Variants in CYTH3 observed in about 807,000 individuals in gnomAD.
CYTH3 encodes the protein cytohesin-3.
A neutral mutation model predicts 55.1 loss-of-function variants in CYTH3; 23 were observed. The observed-to-expected ratio is 0.42, with a 90% confidence interval of 0.30 to 0.59. The LOEUF is 0.59. Among genes scored for constraint, CYTH3 ranks in the 20% least tolerant of loss-of-function variants. CYTH3 has a pLI of 0.20. For synonymous variants in CYTH3, 249 were observed against 194.9 expected (o/e 1.28, Z -2.31); for missense variants, 413 against 524.8 (o/e 0.79, Z 2.08).
intron 1 of CYTH3, among the ~76,000 whole-genome samples, chr7:6,241,019 G>C (rs1169418584): frequency 2.6e-5 from 4 of 152,018 alleles, no homozygotes; most frequent in African/African-American, 9.7e-5. Flanking sequence ...TGACTCAGGA[G>C]GCTGAGGCTG....
At chr7:6,213,541 T>G (rs541729837) in intron 1 of CYTH3, among the ~76,000 whole-genome samples, 1 of 152,074 alleles carries the variant, frequency 6.6e-6, no homozygotes. Context: ...GTTTTTTGTT[T>G]GTTTGTTTGT....
At chr7:6,242,438 A>C in intron 1 of CYTH3, among the ~76,000 whole-genome samples, 1 of 143,720 alleles carries the variant, frequency 7.0e-6, no homozygotes, top group African/African-American at 2.6e-5. Context: ...GTGCAGTGGC[A>C]CGATCTTGGC....
intron 1 of CYTH3, among the ~76,000 whole-genome samples, chr7:6,226,545 G>A (rs943726004): frequency 6.6e-6 from 1 of 152,200 alleles, no homozygotes; most frequent in Non-Finnish European, 1.5e-5. Flanking sequence ...AGTCTTGGCT[G>A]AAGCCCCAGT....
chr7:6,177,980 C>T, intron 4 of CYTH3, 39 bp from the exon 5 acceptor site: 1 of 1,471,438 alleles, frequency 6.8e-7, no homozygotes, highest in Non-Finnish European at 9.5e-7. Context: ...TTAGGAGTGT[C>T]ACTCAAACTC....
intron 1 of CYTH3, among the ~76,000 whole-genome samples, chr7:6,267,790 G>C (rs1053238518): frequency 3.9e-5 from 6 of 152,236 alleles, no homozygotes; most frequent in African/African-American, 1.2e-4. Flanking sequence ...CCAAAGTGCT[G>C]GGATTACAGG....
At position 6,173,638 on chromosome 7, in the gene CYTH3, A is replaced by G. The variant is rs1783259707; in HGVS notation, c.449+15T>C. On this transcript the variant is annotated intron_variant, in intron 6 of 12. Coordinates refer to ENST00000350796, the MANE Select transcript of CYTH3 (RefSeq NM_004227.4). ...TTCCCCATCCACTCTACACCCAGCA[A>G]ATGATCATACTTACCTTAAGGCTTG... 6.3e-7 allele frequency: 1 copy of G among 1,576,944 alleles called. No homozygotes were observed. Among genetic ancestry groups the G allele is most frequent in the Non-Finnish European group, 8.7e-7 (1 of 1,146,610 alleles).
chr7:6,247,797 G>A (rs1779859339), intron 1 of CYTH3, among the ~76,000 whole-genome samples: 1 of 152,038 alleles, frequency 6.6e-6, no homozygotes, highest in African/African-American at 2.4e-5. Flanking sequence ...GGTGCAGCGT[G>A]TACCACCACA....
intron 1 of CYTH3, among the ~76,000 whole-genome samples, chr7:6,199,192 CT>C (rs1398264927): frequency 6.6e-6 from 1 of 152,182 alleles, no homozygotes; most frequent in East Asian, 1.9e-4. Context: ...AGGCACTAGC[CT>C]TCCACAAACT....
intron 1 of CYTH3, among the ~76,000 whole-genome samples, chr7:6,237,040 T>C (rs1177690339): frequency 1.3e-5 from 2 of 152,198 alleles, no homozygotes; most frequent in Admixed American, 1.3e-4. Context: ...CACAGAAGGC[T>C]CATGTCAAAG....
At chr7:6,200,047 T>C (rs1361374626) in intron 1 of CYTH3, among the ~76,000 whole-genome samples, 1 of 152,220 alleles carries the variant, frequency 6.6e-6, no homozygotes, top group Non-Finnish European at 1.5e-5. Flanking sequence ...GCCCATCAAT[T>C]GTAAGATGTA....
At position 6,187,682 on chromosome 7, in the gene CYTH3, C is replaced by T. The variant is rs755446683; in HGVS notation, c.157G>A (p.Asp53Asn). Residue 53 changes from aspartate (D) to asparagine (N), a missense_variant, in exon 3 of 13, where the codon GAC becomes AAC. Coordinates refer to ENST00000350796, the MANE Select transcript of CYTH3 (RefSeq NM_004227.4). Reference sequence around the variant, plus strand: ...CTCTCCTCTACGGAAGTTAGATTGTCGATCTCTGTCATCACCTCTGCAATT... The same window carrying T: ...CTCTCCTCTACGGAAGTTAGATTGTTGATCTCTGTCATCACCTCTGCAATT... ...YEIAEVMTEI[D>N]NLTSVEESKT... 4.3e-5 allele frequency: 70 copies of T among 1,613,920 alleles called. 1 individual carries two copies. In the East Asian group the frequency reaches 1.4e-3, roughly 33 times the overall value.
intron 5 of CYTH3, among the ~76,000 whole-genome samples, chr7:6,175,008 T>C (rs1291909732): frequency 6.6e-6 from 1 of 152,242 alleles, no homozygotes; most frequent in Non-Finnish European, 1.5e-5. Context: ...TTATATAATC[T>C]AGATAGAAGT....
chr7:6,184,634 G>A (rs1299134073), intron 4 of CYTH3, among the ~76,000 whole-genome samples: 1 of 152,070 alleles, frequency 6.6e-6, no homozygotes, highest in Non-Finnish European at 1.5e-5. Flanking sequence ...AGACTGGAGT[G>A]CAGTGATGCA....
intron 1 of CYTH3, among the ~76,000 whole-genome samples, chr7:6,193,092 A>T (rs149027808): frequency 6.6e-6 from 1 of 152,110 alleles, no homozygotes; most frequent in Non-Finnish European, 1.5e-5. Flanking sequence ...GAATCGCTTG[A>T]AACAGGAAAG....
intron 1 of CYTH3, among the ~76,000 whole-genome samples, chr7:6,229,741 C>T (rs558418476): frequency 2.8e-4 from 43 of 151,120 alleles, no homozygotes; most frequent in African/African-American, 9.0e-4. Flanking sequence ...CACTTGAACC[C>T]GGGAGGCGGA....
intron 1 of CYTH3, among the ~76,000 whole-genome samples, chr7:6,191,625 T>C (rs1783806979): frequency 6.8e-6 from 1 of 146,034 alleles, no homozygotes; most frequent in Non-Finnish European, 1.5e-5. Flanking sequence ...AGACAGAATC[T>C]GACTCTGTCA....
At chr7:6,198,590 T>C (rs1051881202) in intron 1 of CYTH3, among the ~76,000 whole-genome samples, 3 of 152,224 alleles carry the variant, frequency 2.0e-5, no homozygotes, top group African/African-American at 7.2e-5. Context: ...ATTGACATCA[T>C]GTATGTTTTG....
intron 1 of CYTH3, among the ~76,000 whole-genome samples, chr7:6,242,597 A>T (rs1268488485): frequency 1.4e-5 from 2 of 142,942 alleles, no homozygotes; most frequent in Admixed American, 6.9e-5. Flanking sequence ...GGCTGGTCTC[A>T]AACTCCTGAT....
intron 1 of CYTH3, among the ~76,000 whole-genome samples, chr7:6,214,724 A>G (rs1784389722): frequency 6.6e-6 from 1 of 152,210 alleles, no homozygotes; most frequent in South Asian, 2.1e-4. Context: ...TAGAGCCTGT[A>G]AGATGTGTTG....
Sources: allele counts gnomAD v4.1 joint callset (sites outside exome capture counted in the v4.1 genomes callset), GRCh38; gene constraint gnomAD v4.1.1; transcripts MANE v1.5; gene names NCBI Gene and HGNC (gene_info 2026-07-23, HGNC 2026-07-21).